Variants in BUB1 observed in about 807,000 individuals in gnomAD.
BUB1 encodes the protein BUB1 mitotic checkpoint serine/threonine kinase.
Under a neutral mutation model 135.2 loss-of-function variants are expected in BUB1, and 84 were observed. The observed-to-expected ratio is 0.62, with a 90% CI of 0.52 to 0.74. The LOEUF (loss-of-function observed/expected upper bound fraction) is 0.74. Among genes scored for constraint, BUB1 ranks in the 30% least tolerant of loss-of-function variants. The pLI is 0.00. For missense variants in BUB1, 1,162 were observed against 1,288.3 expected, an observed-to-expected ratio of 0.90 and a Z score of 1.50; for synonymous variants, 403 against 434.4, an observed-to-expected ratio of 0.93 and a Z score of 0.90.
At chr2:110,643,977 C>T (rs1210622987) in intron 19 of BUB1, among the ~76,000 whole-genome samples, 1 of 144,742 alleles carries the variant, frequency 6.9e-6, no homozygotes, top group Non-Finnish European at 1.5e-5. Context: ...CTTTGATTGA[C>T]TCACCAATAG....
chr2:110,660,915 G>T (rs1046115440), intron 10 of BUB1: 3 of 152,216 alleles, frequency 2.0e-5, no homozygotes, highest in Admixed American at 6.5e-5. Context: ...GATCTAACAT[G>T]TCTATTTAAC....
At position 110,642,138 on chromosome 2, in the gene BUB1, T is replaced by G; in HGVS notation, c.2444A>C (p.Lys815Thr). 1 of 1,609,728 alleles carries G rather than the reference T, an allele frequency of 6.2e-7. No individual in the cohort carries two copies. Among genetic ancestry groups the G allele is most frequent in the South Asian group, 1.1e-5 (1 of 89,704 alleles). The change falls in exon 20 of 25, where the codon AAA (lysine) becomes ACA (threonine). Residue 815 changes from lysine to threonine, a missense_variant. By Grantham distance (78) the Lys-to-Thr change is moderately conservative (BLOSUM62 -1). Coordinates refer to ENST00000302759, the MANE Select transcript of BUB1 (RefSeq NM_004336.5). ...ATTTACCTTTAAAACAAATTTCTGT[T>G]TATTTTTAGCATCATTCAGATCTCC... Reference protein sequence around the residue: ...TQGDLNDAKNKQKFVLKVQKP... With the variant: ...TQGDLNDAKNTQKFVLKVQKP...
At chr2:110,669,385 G>A in intron 6 of BUB1, 68 bp downstream of exon 6, 3 of 1,084,328 alleles carry the variant, frequency 2.8e-6, no homozygotes, top group Non-Finnish European at 4.3e-6. Flanking sequence ...AGTGGATGTA[G>A]AAGGCAGCCA....
intron 17 of BUB1, among the ~76,000 whole-genome samples, chr2:110,652,553 A>C (rs1163149639): frequency 7.3e-6 from 1 of 137,010 alleles, no homozygotes; most frequent in Non-Finnish European, 1.6e-5. Flanking sequence ...TTTTTTAACA[A>C]AATGTTGTTA....
intron 16 of BUB1, among the ~76,000 whole-genome samples, chr2:110,654,727 G>T (rs1174242592): frequency 6.7e-6 from 1 of 150,040 alleles, no homozygotes; most frequent in Non-Finnish European, 1.5e-5. Context: ...ATTCAGAAAA[G>T]AAATTTATTA....
intron 9 of BUB1, 113 bp downstream of exon 9, chr2:110,666,150 T>C (rs1324011739): frequency 9.2e-7 from 1 of 1,085,112 alleles, no homozygotes; most frequent in East Asian, 3.0e-5. Flanking sequence ...TTTCAGAAAG[T>C]TACTAGCTAA....
At chr2:110,677,756 C>A (rs964724897) in intron 1 of BUB1, among the ~76,000 whole-genome samples, 1 of 152,234 alleles carries the variant, frequency 6.6e-6, no homozygotes, top group African/African-American at 2.4e-5. Flanking sequence ...CACCGCGGCG[C>A]AGATGGGCGG....
chr2:110,652,915 T>C (rs1689822574), intron 17 of BUB1, among the ~76,000 whole-genome samples: 1 of 152,222 alleles, frequency 6.6e-6, no homozygotes, highest in South Asian at 2.1e-4. Flanking sequence ...AAGATTATCC[T>C]TTCCTATTAC....
In BUB1 at chr2:110,653,505, T is replaced by C. The variant is rs142906109; in HGVS notation, c.1895A>G (p.Gln632Arg). The part of the protein sequence containing the change: ...LEDKENVVAK[Q>R]CTQATLDSCE... ...AGAATCCAAAGTCGCCTGGGTACAC[T>C]GTTTTGCTACCACATTTTCTGAAAG... Residue 632 changes from glutamine (Q) to arginine (R), a missense_variant, in exon 17 of 25, where the codon CAG (glutamine) becomes CGG (arginine). Transcript: ENST00000302759. 21 of 1,613,800 alleles carry C rather than the reference T, an allele frequency of 1.3e-5. No homozygotes were observed. The highest frequency in any genetic ancestry group is 3.3e-5 in the Admixed American group (2 of 59,958).
intron 19 of BUB1, among the ~76,000 whole-genome samples, chr2:110,646,167 C>CAA (rs1157342273): frequency 0.014 from 786 of 54,226 alleles, 3 homozygotes; most frequent in African/African-American, 0.038. Context: ...TATCTCTACC[C>CAA]AAAAAAAAAA....
chr2:110,675,022 G>A (rs572499410), intron 1 of BUB1: 2 of 153,096 alleles, frequency 1.3e-5, no homozygotes, highest in African/African-American at 4.8e-5. Context: ...ACAAAGTAGA[G>A]TTCCCAGACA....
intron 19 of BUB1, 189 bp downstream of exon 19, chr2:110,649,045 T>C (rs1012524688): frequency 4.2e-6 from 2 of 470,912 alleles, no homozygotes; most frequent in African/African-American, 4.0e-5. Context: ...GGAGTTATAG[T>C]CCCAACAGCA....
intron 17 of BUB1, among the ~76,000 whole-genome samples, chr2:110,651,119 T>C (rs907325047): frequency 6.6e-6 from 1 of 152,182 alleles, no homozygotes; most frequent in Admixed American, 6.5e-5. Context: ...ATATTTAACT[T>C]TATTCCAAAA....
chr2:110,639,032 C>T (rs141523401), intron 24 of BUB1, among the ~76,000 whole-genome samples: 48 of 152,040 alleles, frequency 3.2e-4, no homozygotes, highest in Middle Eastern at 3.4e-3. Context: ...TTAGGCTGTA[C>T]ACTTAAGATG....
chr2:110,654,895 G>T (rs1482635956), intron 16 of BUB1, among the ~76,000 whole-genome samples: 1 of 152,110 alleles, frequency 6.6e-6, no homozygotes, highest in Non-Finnish European at 1.5e-5. Context: ...AAAAGCGTGA[G>T]CAATGATAGT....
intron 9 of BUB1, among the ~76,000 whole-genome samples, chr2:110,663,766 A>C (rs189351312): frequency 1.1e-4 from 16 of 152,330 alleles, no homozygotes; most frequent in East Asian, 9.7e-4. Context: ...CTGTGGCTCA[A>C]GCCTGTAATC....
At chr2:110,675,598 C>T (rs899135518) in intron 1 of BUB1, among the ~76,000 whole-genome samples, 1 of 151,768 alleles carries the variant, frequency 6.6e-6, no homozygotes, top group Non-Finnish European at 1.5e-5. Flanking sequence ...CTATCTGAGA[C>T]ACTATAAGAT....
intron 24 of BUB1, among the ~76,000 whole-genome samples, chr2:110,638,394 A>T (rs1303009905): frequency 6.6e-6 from 1 of 152,242 alleles, no homozygotes; most frequent in Non-Finnish European, 1.5e-5. Context: ...GTAATCTTTT[A>T]GCAATACTGC....
intron 1 of BUB1, among the ~76,000 whole-genome samples, chr2:110,675,498 G>T (rs762979765): frequency 2.6e-5 from 4 of 152,106 alleles, no homozygotes; most frequent in Non-Finnish European, 5.9e-5. Flanking sequence ...GGGGTGACAA[G>T]ACCTAATTTG....
Sources: gnomAD v4.1 joint callset for allele counts (sites outside exome capture counted in the v4.1 genomes callset) on GRCh38, gnomAD v4.1.1 for gene constraint, MANE v1.5 for transcripts, NCBI Gene and HGNC (gene_info 2026-07-23, HGNC 2026-07-21) for gene names.